CALN1: variants seen among roughly 807,000 people sequenced by gnomAD.
CALN1 encodes calcium-binding protein 8.
CALN1 carries 17 observed loss-of-function variants against 30.6 expected under a neutral mutation model. The ratio of observed to expected loss-of-function variants is 0.56; its 90% CI spans 0.38 to 0.83. CALN1 has a LOEUF of 0.83. Among genes scored for constraint, CALN1 ranks in the 40% least tolerant of loss-of-function variants. The pLI is 0.00. For synonymous variants in CALN1, 156 were observed against 131.4 expected (o/e 1.19, Z -1.28); for missense variants, 291 against 354.9 (o/e 0.82, Z 1.45).
chr7:72,477,798 G>A, the CALN1 span, among the ~76,000 whole-genome samples: 16 of 152,246 alleles, frequency 1.1e-4, no homozygotes, highest in African/African-American at 1.9e-4. Flanking sequence ...AGCCTCAAGG[G>A]ATCCTCCTGC....
intron 5 of CALN1, among the ~76,000 whole-genome samples, chr7:71,887,304 T>C (rs560858705): frequency 1.3e-5 from 2 of 152,286 alleles, no homozygotes; most frequent in African/African-American, 4.8e-5. Context: ...AATTATGCTT[T>C]TGTTTTTTGA....
intron 3 of CALN1, among the ~76,000 whole-genome samples, chr7:72,181,106 C>A (rs868848077): frequency 0.047 from 4,529 of 95,510 alleles, 404 homozygotes; most frequent in African/African-American, 0.17. Flanking sequence ...ACCCCCCCCC[C>A]CCCCAAAAAA....
At chr7:71,877,925 A>G (rs1159980497) in intron 5 of CALN1, among the ~76,000 whole-genome samples, 1 of 152,192 alleles carries the variant, frequency 6.6e-6, no homozygotes, top group Admixed American at 6.5e-5. Context: ...AGTGGTAGTC[A>G]AATGTCAGCA....
the CALN1 span, among the ~76,000 whole-genome samples, chr7:72,460,773 G>C: frequency 6.6e-6 from 1 of 152,100 alleles, no homozygotes; most frequent in Non-Finnish European, 1.5e-5. Flanking sequence ...CTCAGCCCTT[G>C]TGTCCCATTC....
chr7:71,910,749 C>T (rs916699750), intron 5 of CALN1, among the ~76,000 whole-genome samples: 1 of 152,194 alleles, frequency 6.6e-6, no homozygotes, highest in East Asian at 1.9e-4. Context: ...TCCAGTCCCC[C>T]TGAAGCTACC....
At chr7:72,144,232 TCTCATGTGCAGAGACA>T (rs1399785339) in intron 3 of CALN1, among the ~76,000 whole-genome samples, 1 of 151,980 alleles carries the variant, frequency 6.6e-6, no homozygotes, top group Non-Finnish European at 1.5e-5. Flanking sequence ...AGGAAACCCA[TCTCATGTGCAGAGACA>T]CACATAGGCT....
chr7:71,937,789 T>C (rs1248837530), intron 5 of CALN1, among the ~76,000 whole-genome samples: 1 of 152,210 alleles, frequency 6.6e-6, no homozygotes, highest in Admixed American at 6.5e-5. Flanking sequence ...ACTCTTTAAA[T>C]ATTTGAAGGC....
chr7:72,110,320 T>G (rs925186025), intron 3 of CALN1, among the ~76,000 whole-genome samples: 2 of 152,102 alleles, frequency 1.3e-5, no homozygotes, highest in Non-Finnish European at 2.9e-5. Context: ...TGCCCCACCT[T>G]TGGGGCTACT....
rs983093073 is a variant in CALN1 at position 72,327,432 on chromosome 7, T to A, written c.120-48622A>T. On this transcript the variant is annotated intron_variant, in intron 2 of 6. Transcript: ENST00000395275. The stretch of plus-strand genomic sequence containing the variant: ...TGAATCCAGCAGGCGGAGGTTGCAG[T>A]GAGCTGAGATCACGGCACTGCACTC... Among the ~76,000 whole-genome samples the A allele has an allele frequency of 7.2e-5, 11 of 152,190 alleles. 1 individual carries two copies. Among genetic ancestry groups the A allele is most frequent in the Middle Eastern group, 3.2e-3 (1 of 316 alleles).
intron 3 of CALN1, among the ~76,000 whole-genome samples, chr7:72,266,265 T>A (rs1197756433): frequency 6.6e-6 from 1 of 152,178 alleles, no homozygotes; most frequent in Non-Finnish European, 1.5e-5. Context: ...AAGTATGTTT[T>A]GAAAAAGTCC....
In CALN1 at chr7:71,892,466, C is replaced by T. The variant is rs143258912; in HGVS notation, c.502-81974G>A. 7.4e-3 allele frequency among the ~76,000 whole-genome samples: 1,121 copies of T among 152,206 alleles called. 14 individuals carry two copies. The highest frequency in any genetic ancestry group is 0.025 in the African/African-American group (1,052 of 41,540). ...AGCCTTGGGCAACAAGGCGAAAGCC[C>T]GTCTCTACTAAAAATGCAAAAATTA... On this transcript the variant is annotated intron_variant, in intron 5 of 6. Coordinates refer to ENST00000395275, the MANE Select transcript of CALN1 (RefSeq NM_031468.4).
chr7:72,162,535 A>G (rs1288884747), intron 3 of CALN1, among the ~76,000 whole-genome samples: 1 of 151,972 alleles, frequency 6.6e-6, no homozygotes, highest in Non-Finnish European at 1.5e-5. Flanking sequence ...GGAGTTCGAG[A>G]TCAGCCTGGG....
In CALN1 at chr7:71,782,520, C is replaced by T. The variant is rs1792773262; in HGVS notation, c.*5255G>A. On this transcript the variant is annotated 3_prime_UTR_variant, in exon 7 of 7. Transcript: ENST00000395275. Reference sequence around the variant, plus strand: ...CCAGTGTTAAGGTATTCCTTTATAGCAATGCAAAACGGACTAACATACACC... The same window carrying T: ...CCAGTGTTAAGGTATTCCTTTATAGTAATGCAAAACGGACTAACATACACC... 1 of 152,124 alleles carries T rather than the reference C, an allele frequency of 6.6e-6. No homozygotes were observed. Among genetic ancestry groups the T allele is most frequent in the Non-Finnish European group, 1.5e-5 (1 of 68,050 alleles). 9.4% of individuals were successfully genotyped at this position (152,124 alleles called of 1,614,324 possible).
intron 5 of CALN1, among the ~76,000 whole-genome samples, chr7:72,021,368 C>T (rs182146774): frequency 6.6e-6 from 1 of 152,204 alleles, no homozygotes; most frequent in East Asian, 1.9e-4. Flanking sequence ...AGAAGCAACT[C>T]GCCAAGGCCC....
chr7:71,801,986 A>G (rs906145921), intron 6 of CALN1, among the ~76,000 whole-genome samples: 1 of 152,058 alleles, frequency 6.6e-6, no homozygotes, highest in Non-Finnish European at 1.5e-5. Flanking sequence ...CAAAAAAAAA[A>G]AGAAAAAATT....
At chr7:72,094,711 A>G (rs1806102116) in intron 4 of CALN1, among the ~76,000 whole-genome samples, 1 of 152,184 alleles carries the variant, frequency 6.6e-6, no homozygotes, top group African/African-American at 2.4e-5. Flanking sequence ...TTGCTTAGGG[A>G]GATAGGAATG....
chr7:71,925,454 T>C (rs1435207056), intron 5 of CALN1, among the ~76,000 whole-genome samples: 1 of 150,872 alleles, frequency 6.6e-6, no homozygotes, highest in Non-Finnish European at 1.5e-5. Flanking sequence ...CTGCTGCTAA[T>C]GTGTTCTCAA....
At chr7:72,021,798 T>C (rs754082181) in intron 5 of CALN1, among the ~76,000 whole-genome samples, 6 of 152,210 alleles carry the variant, frequency 3.9e-5, no homozygotes, top group Non-Finnish European at 7.3e-5. Context: ...CAGCCCCAAC[T>C]GATTTCAGCT....
At chr7:72,085,810 G>A (rs1805447845) in intron 4 of CALN1, among the ~76,000 whole-genome samples, 1 of 152,120 alleles carries the variant, frequency 6.6e-6, no homozygotes, top group Non-Finnish European at 1.5e-5. Flanking sequence ...GGTGGTACAG[G>A]CTGAGATGAA....
Sources: gnomAD v4.1 joint callset for allele counts (sites outside exome capture counted in the v4.1 genomes callset) on GRCh38, gnomAD v4.1.1 for gene constraint, MANE v1.5 for transcripts, NCBI Gene and HGNC (gene_info 2026-07-23, HGNC 2026-07-21) for gene names.